ESR1: variants seen among roughly 807,000 people sequenced by gnomAD.
ESR1 encodes estrogen receptor 1.
In ESR1, 12 loss-of-function variants were observed where a neutral mutation model predicts 52.7. The observed-to-expected ratio is 0.23, with a 90% CI of 0.15 to 0.37. The LOEUF is 0.37. Ranked by LOEUF, ESR1 falls within the 10% of genes least tolerant of loss-of-function variation. The probability of loss-of-function intolerance (pLI) is 1.00; values close to 1 mark genes in which losing one functional copy is unlikely to be tolerated. For missense variants in ESR1, 584 were observed against 779.7 expected (o/e 0.75, Z 2.99); for synonymous variants, 305 against 316.8 (o/e 0.96, Z 0.39).
chr6:151,809,228 C>T (rs1182199044), intron 1 of ESR1: 2 of 450,710 alleles, frequency 4.4e-6, no homozygotes, highest in South Asian at 1.6e-5. Flanking sequence ...GGAGCGCGGC[C>T]GGTCCAGGAC....
At chr6:151,831,158 T>G (rs1446018204) in intron 1 of ESR1, among the ~76,000 whole-genome samples, 1 of 151,902 alleles carries the variant, frequency 6.6e-6, no homozygotes, top group Non-Finnish European at 1.5e-5. Flanking sequence ...TTTTTTTTTT[T>G]TTGAGACAGG....
intron 4 of ESR1, among the ~76,000 whole-genome samples, chr6:151,995,086 A>G (rs556708320): frequency 6.6e-6 from 1 of 152,280 alleles, no homozygotes; most frequent in South Asian, 2.1e-4. Context: ...TGTGGAGCAC[A>G]CACTCAGCAG....
rs143133715 is a variant in ESR1, at chr6:152,056,486, A to G, written c.1236-4505A>G. Among the ~76,000 whole-genome samples the G allele has an allele frequency of 4.9e-3, 747 of 152,356 alleles. 5 individuals carry two copies. The highest frequency in any genetic ancestry group is 0.017 in the African/African-American group (715 of 41,582). ...TTGTAAGGCATATTTTTGAAGATAT[A>G]CAAGTGAAGGTTTGATCTGTACACC... On this transcript the variant is annotated intron_variant, in intron 5 of 7. Transcript: ENST00000206249.
chr6:151,866,336 C>CT (rs1051307911), intron 2 of ESR1, among the ~76,000 whole-genome samples: 49 of 150,990 alleles, frequency 3.2e-4, no homozygotes, highest in East Asian at 9.7e-4. Context: ...GTAGTTATTT[C>CT]TTTTTTTTTG....
intron 4 of ESR1, among the ~76,000 whole-genome samples, chr6:151,954,117 C>T (rs186488757): frequency 3.2e-4 from 49 of 152,266 alleles, no homozygotes; most frequent in Admixed American, 2.6e-3. Flanking sequence ...AATTCATTGA[C>T]GAAATTAACT....
At chr6:151,898,790 C>T (rs868438468) in intron 3 of ESR1, among the ~76,000 whole-genome samples, 13 of 151,974 alleles carry the variant, frequency 8.6e-5, no homozygotes, top group South Asian at 2.1e-4. Context: ...AAGTCTCCCA[C>T]GTCTACCTCT....
intron 4 of ESR1, among the ~76,000 whole-genome samples, chr6:151,982,168 A>T (rs1271045103): frequency 6.6e-6 from 1 of 152,248 alleles, no homozygotes; most frequent in Admixed American, 6.5e-5. Flanking sequence ...TGACATGCCT[A>T]ATGGGCAGGC....
intron 2 of ESR1, among the ~76,000 whole-genome samples, chr6:151,795,727 C>A (rs1185160131): frequency 6.6e-6 from 1 of 152,126 alleles, no homozygotes; most frequent in African/African-American, 2.4e-5. Context: ...GACTTATGTA[C>A]AAATTTACTA....
At chr6:152,091,712 G>A (rs561383365) in intron 6 of ESR1, among the ~76,000 whole-genome samples, 4 of 152,222 alleles carry the variant, frequency 2.6e-5, no homozygotes, top group South Asian at 2.1e-4. Flanking sequence ...TCTTGGGGTC[G>A]CTGAGGTCCC....
intron 6 of ESR1, among the ~76,000 whole-genome samples, chr6:152,090,102 C>A (rs2050062202): frequency 6.6e-6 from 1 of 152,164 alleles, no homozygotes; most frequent in Non-Finnish European, 1.5e-5. Context: ...GAGAAGCATA[C>A]AACAAACATG....
chr6:151,682,785 C>T (rs1419939632), intron 1 of ESR1, among the ~76,000 whole-genome samples: 1 of 152,102 alleles, frequency 6.6e-6, no homozygotes, highest in Non-Finnish European at 1.5e-5. Context: ...TTCTTATGTA[C>T]CTAAATGTTT....
intron 3 of ESR1, among the ~76,000 whole-genome samples, chr6:151,887,957 T>C (rs1344654495): frequency 6.6e-6 from 1 of 152,204 alleles, no homozygotes; most frequent in African/African-American, 2.4e-5. Context: ...CCTTTCTCCA[T>C]TGTGTGCTTT....
chr6:151,985,404 A>C (rs1015490192), intron 4 of ESR1, among the ~76,000 whole-genome samples: 1 of 150,612 alleles, frequency 6.6e-6, no homozygotes, highest in Non-Finnish European at 1.5e-5. Context: ...GCTACTTGGG[A>C]GGCTGAGGCA....
chr6:152,083,308 C>A (rs541000993), intron 6 of ESR1, among the ~76,000 whole-genome samples: 6 of 152,302 alleles, frequency 3.9e-5, no homozygotes, highest in African/African-American at 1.4e-4. Context: ...AGAAATGACA[C>A]CACACATCTG....
chr6:151,813,559 A>G (rs1779156657), intron 1 of ESR1: 1 of 152,100 alleles, frequency 6.6e-6, no homozygotes, highest in Admixed American at 6.5e-5. Context: ...AATTTTAATA[A>G]TGATATTACC....
At chr6:152,088,409 T>C (rs1179957669) in intron 6 of ESR1, among the ~76,000 whole-genome samples, 1 of 152,172 alleles carries the variant, frequency 6.6e-6, no homozygotes, top group Non-Finnish European at 1.5e-5. Context: ...AGTAAAAATA[T>C]GCTACCGTGT....
chr6:151,950,425 G>A (rs571268232), intron 4 of ESR1, among the ~76,000 whole-genome samples: 22 of 152,266 alleles, frequency 1.4e-4, no homozygotes, highest in African/African-American at 5.1e-4. Flanking sequence ...GTTATGGGCT[G>A]AGTTGTCTCT....
intron 3 of ESR1, among the ~76,000 whole-genome samples, chr6:151,892,013 T>G (rs1169825405): frequency 6.6e-6 from 1 of 152,222 alleles, no homozygotes; most frequent in Non-Finnish European, 1.5e-5. Flanking sequence ...ATAATTCTAT[T>G]TTTGAAAGTC....
At chr6:151,858,945 C>T (rs1007039554) in intron 2 of ESR1, among the ~76,000 whole-genome samples, 1 of 152,034 alleles carries the variant, frequency 6.6e-6, no homozygotes, top group Admixed American at 6.6e-5. Flanking sequence ...TTTCAGTTAC[C>T]AGTTAAGTGG....
Sources: allele counts gnomAD v4.1 joint callset (sites outside exome capture counted in the v4.1 genomes callset), GRCh38; gene constraint gnomAD v4.1.1; transcripts MANE v1.5; gene names NCBI Gene and HGNC (gene_info 2026-07-23, HGNC 2026-07-21).